CREBBP: variants seen among roughly 807,000 people sequenced by gnomAD.
CREBBP encodes the protein CREB-binding protein.
Under a neutral mutation model 265.0 loss-of-function variants are expected in CREBBP, and 19 were observed. The ratio of observed to expected loss-of-function variants is 0.07; its 90% confidence interval spans 0.05 to 0.11. The LOEUF (loss-of-function observed/expected upper bound fraction) is 0.11. Among genes scored for constraint, CREBBP ranks in the 10% least tolerant of loss-of-function variants. CREBBP has a pLI of 1.00. For missense variants in CREBBP, 2,525 were observed against 3,219.0 expected (o/e 0.78, Z 5.22); for synonymous variants, 1,457 against 1,223.7 (o/e 1.19, Z -3.98).
chr16:3,799,028 A>T (rs2053661134), intron 3 of CREBBP, among the ~76,000 whole-genome samples: 1 of 152,246 alleles, frequency 6.6e-6, no homozygotes, highest in African/African-American at 2.4e-5. Flanking sequence ...CACATACTAC[A>T]ACATGAACTC....
chr16:3,861,708 G>A (rs986342675), intron 1 of CREBBP, among the ~76,000 whole-genome samples: 3 of 146,898 alleles, frequency 2.0e-5, no homozygotes, highest in Non-Finnish European at 3.0e-5. Flanking sequence ...TTATGCCATC[G>A]TAAGTAATTT....
At chr16:3,737,649 A>G (rs1413425963) in intron 26 of CREBBP, among the ~76,000 whole-genome samples, 1 of 152,084 alleles carries the variant, frequency 6.6e-6, no homozygotes, top group African/African-American at 2.4e-5. Context: ...TTTTTAGTAC[A>G]GACAGGGTTT....
rs2054768153 is a variant in CREBBP, at chr16:3,849,446, T to TGTGTGTGTGTGTG, written c.798+838_798+850dup. Among the ~76,000 whole-genome samples the TGTGTGTGTGTGTG allele has an allele frequency of 3.3e-4, 11 of 33,690 alleles. 1 individual carries two copies. The highest frequency in any genetic ancestry group is 1.4e-3 in the South Asian group (1 of 734). The allele number at this position is 33,690 out of a possible 152,430, so 22.1% of individuals were successfully genotyped here. On this transcript the variant is annotated intron_variant, in intron 2 of 30. Transcript: ENST00000262367. Reference sequence around the variant, plus strand: ...GTGTGTGTGTGTGTGTGTGTGTGTGTGTGTGTGTGTGTGTGTGTGTGTGTG... The same window carrying TGTGTGTGTGTGTG: ...GTGTGTGTGTGTGTGTGTGTGTGTGTGTGTGTGTGTGTGGTGTGTGTGTGTGTGTGTGTGTGTG...
chr16:3,768,843 TA>T (rs1190909110), intron 15 of CREBBP, among the ~76,000 whole-genome samples: 1 of 152,198 alleles, frequency 6.6e-6, no homozygotes, highest in Non-Finnish European at 1.5e-5. Flanking sequence ...GGTTAATTAG[TA>T]AATGAATCCA....
chr16:3,790,236 C>A (rs1057459326), intron 5 of CREBBP, among the ~76,000 whole-genome samples: 1 of 152,054 alleles, frequency 6.6e-6, no homozygotes, highest in African/African-American at 2.4e-5. Flanking sequence ...AACTACTGTC[C>A]CAAATATCTG....
At position 3,731,665 on chromosome 16, in the gene CREBBP, G is replaced by A. The variant is rs1224208226; in HGVS notation, c.4890+111C>T. The A allele has an allele frequency of 5.9e-6, 9 of 1,513,768 alleles. No homozygotes were observed. Among genetic ancestry groups the A allele is most frequent in the African/African-American group, 2.7e-5 (2 of 72,858 alleles). The allele number at this position is 1,513,768 out of a possible 1,614,324, so 93.8% of individuals were successfully genotyped here. A position where few individuals can be genotyped will look rare whatever the true frequency, so the allele number is the denominator to read the frequency against. On this transcript the variant is annotated intron_variant, in intron 29 of 30. Transcript: ENST00000262367. This position sits in a 1 kb window ranked among gnomAD's most constrained non-coding sequence, Gnocchi z 7.7. ...CCAACTGGTCCACTTGGTTTCCTGG[G>A]GGCCACTTCCCTCCCACCACAGACC... is the stretch of plus-strand genomic sequence containing the variant.
intron 1 of CREBBP, among the ~76,000 whole-genome samples, chr16:3,860,909 A>C (rs1170430649): frequency 6.6e-6 from 1 of 152,148 alleles, no homozygotes; most frequent in East Asian, 1.9e-4. Flanking sequence ...AGAGTACTCA[A>C]CCAAGCCCTG....
chr16:3,807,179 G>C (rs2053847282), intron 3 of CREBBP, among the ~76,000 whole-genome samples: 2 of 152,086 alleles, frequency 1.3e-5, no homozygotes. Context: ...CAAATTAATT[G>C]AATGATCATA....
chr16:3,782,249 T>C (rs1473227374), intron 6 of CREBBP, among the ~76,000 whole-genome samples: 3 of 152,190 alleles, frequency 2.0e-5, no homozygotes, highest in African/African-American at 4.8e-5. Flanking sequence ...CTCCTGTCAT[T>C]GTCATTAACC....
intron 14 of CREBBP, among the ~76,000 whole-genome samples, chr16:3,769,873 G>C (rs1407452193): frequency 1.3e-5 from 2 of 151,896 alleles, no homozygotes; most frequent in African/African-American, 4.8e-5. Context: ...TTACTCAATG[G>C]AATTTTTTTT....
chr16:3,826,477 C>T (rs1312546595), intron 2 of CREBBP, among the ~76,000 whole-genome samples: 2 of 152,108 alleles, frequency 1.3e-5, no homozygotes, highest in Admixed American at 1.3e-4. Flanking sequence ...CGACCTCAAC[C>T]AGGTGGCTGT....
chr16:3,788,214 C>A (rs2053430720), intron 5 of CREBBP, among the ~76,000 whole-genome samples: 1 of 152,232 alleles, frequency 6.6e-6, no homozygotes, highest in South Asian at 2.1e-4. Context: ...ATGACTCAAA[C>A]CCTCTCACCA....
intron 13 of CREBBP, among the ~76,000 whole-genome samples, chr16:3,772,915 C>CAA (rs144154476): frequency 0.13 from 11,748 of 88,712 alleles, 945 homozygotes; most frequent in Non-Finnish European, 0.18. Context: ...ACTAAAAATA[C>CAA]AAAAAAAAAA....
At chr16:3,868,417 C>T (rs890819439) in intron 1 of CREBBP, among the ~76,000 whole-genome samples, 2 of 130,374 alleles carry the variant, frequency 1.5e-5, no homozygotes, top group East Asian at 3.6e-4. Context: ...TCCCTACAGA[C>T]CTGAACTTGG....
In CREBBP at chr16:3,880,047, G is replaced by C. The variant is rs1429862438; in HGVS notation, c.-131C>G. The C allele has an allele frequency of 7.0e-6, 4 of 575,118 alleles. No homozygotes were observed. Among genetic ancestry groups the C allele is most frequent in the Non-Finnish European group, 7.6e-6 (3 of 396,430 alleles). The allele number at this position is 575,118 out of a possible 1,614,324, so 35.6% of individuals were successfully genotyped here. ...GGCCGCGAGCGGGCGGGCGGGCGCC[G>C]AGGGAGAGGGAGGGCGCAGGCCGGG... On this transcript the variant is annotated 5_prime_UTR_variant, in exon 1 of 31. Coordinates refer to ENST00000262367, the MANE Select transcript of CREBBP (RefSeq NM_004380.3).
intron 1 of CREBBP, among the ~76,000 whole-genome samples, chr16:3,871,011 G>A (rs2042713577): frequency 6.6e-6 from 1 of 150,404 alleles, no homozygotes; most frequent in Non-Finnish European, 1.5e-5. Context: ...TGTAAAGAAG[G>A]GGAGGGGAAG....
chr16:3,836,433 C>CAAAAAAAA (rs564007443), intron 2 of CREBBP, among the ~76,000 whole-genome samples: 3 of 53,890 alleles, frequency 5.6e-5, no homozygotes, highest in African/African-American at 1.3e-4. Context: ...GACTGTGTCT[C>CAAAAAAAA]AAAAAAAAAA....
In CREBBP at chr16:3,865,054, G is replaced by A. The variant is rs147880188; in HGVS notation, c.86-14045C>T. Among the ~76,000 whole-genome samples, 476 of 151,560 alleles carry A rather than the reference G, an allele frequency of 3.1e-3. 2 individuals are homozygous for A. The highest frequency in any genetic ancestry group is 4.5e-3 in the Non-Finnish European group (302 of 67,860). ...AGCCTGGGCGACAAAGCAAGACTCTGTCTCAAAAAAAAAAAGAATATCTGC... is the reference window on the plus strand; with the variant it reads ...AGCCTGGGCGACAAAGCAAGACTCTATCTCAAAAAAAAAAAGAATATCTGC... On this transcript the variant is annotated intron_variant, in intron 1 of 30. Transcript: ENST00000262367.
intron 19 of CREBBP, among the ~76,000 whole-genome samples, chr16:3,753,379 A>T (rs914282398): frequency 6.6e-6 from 1 of 152,254 alleles, no homozygotes; most frequent in South Asian, 2.1e-4. Flanking sequence ...GTGCATGCAC[A>T]TCTCAAGATG....
Sources: allele counts gnomAD v4.1 joint callset (sites outside exome capture counted in the v4.1 genomes callset), GRCh38; gene constraint gnomAD v4.1.1; non-coding constraint Gnocchi (gnomAD v3.1); transcripts MANE v1.5; gene names NCBI Gene and HGNC (gene_info 2026-07-23, HGNC 2026-07-21).